The following RASSF3 variants were observed in gnomAD, a reference collection of about 807,000 sequenced individuals.
RASSF3 encodes the protein Ras association domain family member 3.
In RASSF3, 19 loss-of-function variants were observed where a neutral mutation model predicts 19.9. The ratio of observed to expected loss-of-function variants is 0.96; its 90% CI spans 0.67 to 1.40. The LOEUF is 1.40. Ranked by LOEUF, RASSF3 falls within the 40% of genes most tolerant of loss-of-function variation. RASSF3 has a pLI of 0.00. For missense variants in RASSF3, 306 were observed against 289.8 expected, an observed-to-expected ratio of 1.06 and a Z score of -0.41; for synonymous variants, 110 against 104.2, an observed-to-expected ratio of 1.06 and a Z score of -0.34.
At chr12:64,612,367 G>T (rs1013972960) in intron 1 of RASSF3, among the ~76,000 whole-genome samples, 2 of 152,122 alleles carry the variant, frequency 1.3e-5, no homozygotes, top group African/African-American at 4.8e-5. Context: ...TTCTCCAGGG[G>T]TGAGATGCCA....
intron 2 of RASSF3, among the ~76,000 whole-genome samples, chr12:64,589,428 C>A (rs770237129): frequency 4.6e-5 from 7 of 151,838 alleles, no homozygotes; most frequent in Non-Finnish European, 8.8e-5. Flanking sequence ...CCAGCCTGGG[C>A]AACAGAGTGA....
At chr12:64,521,004 G>A (rs1868467493) in intron 1 of RASSF3, among the ~76,000 whole-genome samples, 1 of 152,126 alleles carries the variant, frequency 6.6e-6, no homozygotes, top group South Asian at 2.1e-4. Context: ...CACATTTACG[G>A]CACTGAGCTG....
At chr12:64,521,320 G>A (rs1868474739) in intron 1 of RASSF3, among the ~76,000 whole-genome samples, 1 of 152,178 alleles carries the variant, frequency 6.6e-6, no homozygotes, top group African/African-American at 2.4e-5. Context: ...GGCAGTGGCA[G>A]GAGAAAGAGG....
chr12:64,611,691 C>T (rs1870371278), intron 1 of RASSF3: 1 of 152,252 alleles, frequency 6.6e-6, no homozygotes, highest in South Asian at 2.1e-4. Flanking sequence ...AACAGGCGTT[C>T]GCCAAACATT....
chr12:64,575,771 C>T (rs1047954079), intron 2 of RASSF3: 1 of 151,238 alleles, frequency 6.6e-6, no homozygotes, highest in African/African-American at 2.4e-5. Flanking sequence ...ACAGGAGTTA[C>T]ATCATATTCA....
At chr12:64,529,658 G>C (rs532492191), upstream of RASSF3, among the ~76,000 whole-genome samples, 1 of 152,128 alleles carries the variant, frequency 6.6e-6, no homozygotes, top group African/African-American at 2.4e-5. Flanking sequence ...AGCCATACCT[G>C]AATGTAGTCT....
intron 1 of RASSF3, among the ~76,000 whole-genome samples, chr12:64,661,203 C>T (rs1175765715): frequency 3.3e-5 from 5 of 152,168 alleles, no homozygotes; most frequent in African/African-American, 9.7e-5. Flanking sequence ...ATCTGATTTA[C>T]CTGGTACATA....
chr12:64,510,484 C>G (rs1868321973), intron 1 of RASSF3, among the ~76,000 whole-genome samples: 1 of 152,116 alleles, frequency 6.6e-6, no homozygotes, highest in South Asian at 2.1e-4. Context: ...TCAAAGTTTC[C>G]CTAAGTACCT....
At chr12:64,688,140 G>C in intron 2 of RASSF3, 76 bp from the exon 3 acceptor site, 2 of 989,204 alleles carry the variant, frequency 2.0e-6, no homozygotes, top group East Asian at 4.8e-5. Context: ...TCACCTTCCC[G>C]TTTTGTTTTG....
chr12:64,691,196 A>C (rs1868274024), intron 3 of RASSF3, among the ~76,000 whole-genome samples: 2 of 152,240 alleles, frequency 1.3e-5, no homozygotes, highest in African/African-American at 2.4e-5. Flanking sequence ...AGCAGAGCTA[A>C]CTATAAGCAT....
intron 1 of RASSF3, among the ~76,000 whole-genome samples, chr12:64,509,496 C>T (rs1868314153): frequency 6.6e-6 from 1 of 152,086 alleles, no homozygotes; most frequent in East Asian, 1.9e-4. Context: ...AGGTTAGATA[C>T]CTTAACCTCC....
intron 2 of RASSF3, among the ~76,000 whole-genome samples, chr12:64,560,231 A>AG (rs1869325251): frequency 6.6e-6 from 1 of 152,172 alleles, no homozygotes; most frequent in Admixed American, 6.5e-5. Context: ...AGCTTAACTG[A>AG]CTTGCTTTAG....
chr12:64,668,430 C>T (rs1872594254), intron 1 of RASSF3, among the ~76,000 whole-genome samples: 1 of 152,080 alleles, frequency 6.6e-6, no homozygotes, highest in South Asian at 2.1e-4. Flanking sequence ...TGCCATCACA[C>T]CTGGCTAGTT....
At chr12:64,554,573 G>T (rs1869222571) in intron 2 of RASSF3, among the ~76,000 whole-genome samples, 1 of 152,140 alleles carries the variant, frequency 6.6e-6, no homozygotes, top group African/African-American at 2.4e-5. Context: ...CTAAACTGCT[G>T]GGATTACAGG....
chr12:64,625,599 G>T (rs572732644), intron 1 of RASSF3, among the ~76,000 whole-genome samples: 1 of 152,098 alleles, frequency 6.6e-6, no homozygotes, highest in Admixed American at 6.5e-5. Context: ...TGTGCTCATG[G>T]TTTAGGAACT....
intron 1 of RASSF3, among the ~76,000 whole-genome samples, chr12:64,662,773 G>A (rs144511856): frequency 3.3e-5 from 5 of 152,254 alleles, no homozygotes; most frequent in Admixed American, 2.0e-4. Flanking sequence ...ACCCCATCCC[G>A]TGTTGAAATG....
intron 1 of RASSF3, among the ~76,000 whole-genome samples, chr12:64,625,693 G>C (rs966911398): frequency 6.6e-6 from 1 of 152,178 alleles, no homozygotes; most frequent in Non-Finnish European, 1.5e-5. Flanking sequence ...TGCAAAGGCA[G>C]ACTCTGCTGC....
intron 1 of RASSF3, among the ~76,000 whole-genome samples, chr12:64,657,109 A>G: frequency 6.6e-6 from 1 of 151,518 alleles, no homozygotes. Flanking sequence ...AACCAGGTTC[A>G]AGCGATTTTC....
At chr12:64,679,960 A>G (rs142371125) in intron 1 of RASSF3, among the ~76,000 whole-genome samples, 1 of 152,254 alleles carries the variant, frequency 6.6e-6, no homozygotes, top group Non-Finnish European at 1.5e-5. Context: ...CATCACAATG[A>G]AAGACCAGGG....
Sources: allele counts gnomAD v4.1 joint callset (sites outside exome capture counted in the v4.1 genomes callset), GRCh38; gene constraint gnomAD v4.1.1; transcripts MANE v1.5; gene names NCBI Gene and HGNC (gene_info 2026-07-23, HGNC 2026-07-21).